The following UBE2D3 variants were observed in gnomAD, a reference collection of about 807,000 sequenced individuals.
UBE2D3 encodes ubiquitin-conjugating enzyme E2 D3.
In UBE2D3, 2 loss-of-function variants were observed where a neutral mutation model predicts 22.8. The ratio of observed to expected loss-of-function variants is 0.09; its 90% CI spans 0.04 to 0.28. The LOEUF (loss-of-function observed/expected upper bound fraction) is 0.28, where lower values mean the gene tolerates loss of function less well. Among genes scored for constraint, UBE2D3 ranks in the 10% least tolerant of loss-of-function variants. UBE2D3 has a pLI of 1.00. For missense variants in UBE2D3, 27 were observed against 182.5 expected, an observed-to-expected ratio of 0.15 and a Z score of 4.91; for synonymous variants, 56 against 60.4, an observed-to-expected ratio of 0.93 and a Z score of 0.34.
intron 2 of UBE2D3, among the ~76,000 whole-genome samples, chr4:102,824,393 T>C (rs1730126250): frequency 6.6e-6 from 1 of 152,242 alleles, no homozygotes; most frequent in South Asian, 2.1e-4. Context: ...CATTAATCCA[T>C]TTAATCGTCA....
chr4:102,815,578 T>C (rs890874600), intron 2 of UBE2D3, among the ~76,000 whole-genome samples: 4 of 152,234 alleles, frequency 2.6e-5, no homozygotes, highest in Non-Finnish European at 5.9e-5. Context: ...GGCACACTGA[T>C]ATTTATCCAT....
intron 2 of UBE2D3, 89 bp downstream of exon 2, chr4:102,826,396 A>C: frequency 6.6e-7 from 1 of 1,520,304 alleles, no homozygotes; most frequent in Non-Finnish European, 9.1e-7. Flanking sequence ...TATTTTCAGA[A>C]TTATGCTTCC....
At chr4:102,868,355 A>C (rs2110387872) in intron 1 of UBE2D3, among the ~76,000 whole-genome samples, 1 of 152,168 alleles carries the variant, frequency 6.6e-6, no homozygotes, top group East Asian at 1.9e-4. Flanking sequence ...GACGTGAGCC[A>C]CCGCGCCCGG....
chr4:102,832,243 ATGACT>A (rs1447316893), upstream of UBE2D3, among the ~76,000 whole-genome samples: 4 of 152,190 alleles, frequency 2.6e-5, no homozygotes, highest in African/African-American at 9.7e-5. Context: ...AGTCTCAGAG[ATGACT>A]TGATAAGTTT....
intron 1 of UBE2D3, 118 bp downstream of exon 1, chr4:102,827,309 C>A: frequency 1.0e-6 from 1 of 960,338 alleles, no homozygotes; most frequent in African/African-American, 1.8e-5. Context: ...CCACCCTAAC[C>A]CACCGCACCC....
chr4:102,826,217 G>A (rs1355050917), intron 2 of UBE2D3, among the ~76,000 whole-genome samples: 1 of 152,010 alleles, frequency 6.6e-6, no homozygotes, highest in Admixed American at 6.6e-5. Flanking sequence ...AATAATAAAG[G>A]CGCCTTAAGT....
At chr4:102,819,061 TG>T (rs1214458032) in intron 2 of UBE2D3, among the ~76,000 whole-genome samples, 5 of 152,322 alleles carry the variant, frequency 3.3e-5, no homozygotes, top group Non-Finnish European at 5.9e-5. Context: ...CTGGGCGTGG[TG>T]GCTCACGCTT....
chr4:102,797,768 C>T (rs1289279684), intron 7 of UBE2D3, among the ~76,000 whole-genome samples: 2 of 151,850 alleles, frequency 1.3e-5, no homozygotes, highest in African/African-American at 2.4e-5. Context: ...CTAATTTTAA[C>T]GTGAAGAAAT....
chr4:102,848,275 C>T (rs1162845610), intron 1 of UBE2D3, among the ~76,000 whole-genome samples: 4 of 152,026 alleles, frequency 2.6e-5, no homozygotes, highest in African/African-American at 9.7e-5. Context: ...CTTTGGGAGG[C>T]AAAGGCAGGA....
chr4:102,826,475 C>A lies in UBE2D3; in HGVS notation c.24+10G>T. The A allele has an allele frequency of 1.2e-6, 2 of 1,613,908 alleles. No homozygotes were observed. Among genetic ancestry groups the A allele is most frequent in the Non-Finnish European group, 1.7e-6 (2 of 1,179,960 alleles). On this transcript the variant is annotated intron_variant, in intron 2 of 7. Transcript: ENST00000453744. ...TCCTACCACCCCATGCCCTTGTCCCCGCGGGTTACCTTATTAATCCGTTTC... is the reference window on the plus strand; with the variant it reads ...TCCTACCACCCCATGCCCTTGTCCCAGCGGGTTACCTTATTAATCCGTTTC...
intron 1 of UBE2D3, among the ~76,000 whole-genome samples, chr4:102,851,391 A>C (rs1732340268): frequency 6.6e-6 from 1 of 152,244 alleles, no homozygotes; most frequent in Admixed American, 6.5e-5. Flanking sequence ...AAGACAGTGT[A>C]AAGGCAGCCA....
chr4:102,803,563 C>A (rs1345895612), intron 4 of UBE2D3, among the ~76,000 whole-genome samples: 3 of 152,176 alleles, frequency 2.0e-5, no homozygotes, highest in Admixed American at 6.5e-5. Flanking sequence ...ATTAATCTAA[C>A]CCCTTGCTAT....
At chr4:102,844,736 G>T (rs1159982322) in intron 1 of UBE2D3, among the ~76,000 whole-genome samples, 1 of 152,070 alleles carries the variant, frequency 6.6e-6, no homozygotes, top group Non-Finnish European at 1.5e-5. Flanking sequence ...ATTCTAGCCA[G>T]CCTGGGCCGG....
intron 4 of UBE2D3, among the ~76,000 whole-genome samples, chr4:102,806,750 A>G (rs1171350098): frequency 1.3e-5 from 2 of 151,926 alleles, no homozygotes; most frequent in Admixed American, 6.5e-5. Flanking sequence ...AAGCAAGTAA[A>G]TATCAGAGGC....
At chr4:102,858,835 C>T (rs953155846) in intron 1 of UBE2D3, among the ~76,000 whole-genome samples, 5 of 151,862 alleles carry the variant, frequency 3.3e-5, no homozygotes, top group East Asian at 1.9e-4. Flanking sequence ...ACATTGTTAT[C>T]GATGTCAAAA....
intron 1 of UBE2D3, among the ~76,000 whole-genome samples, chr4:102,842,374 G>A (rs1003278495): frequency 6.6e-6 from 1 of 151,854 alleles, no homozygotes; most frequent in Non-Finnish European, 1.5e-5. Flanking sequence ...AACATAGTGG[G>A]AACCTGTTTC....
chr4:102,804,944 C>CA (rs1241817628), intron 4 of UBE2D3, among the ~76,000 whole-genome samples: 1 of 152,162 alleles, frequency 6.6e-6, no homozygotes, highest in Non-Finnish European at 1.5e-5. Context: ...CTTGGCCTCC[C>CA]AAAGTGTTGG....
intron 1 of UBE2D3, among the ~76,000 whole-genome samples, chr4:102,860,172 T>C (rs181728053): frequency 5.3e-4 from 78 of 148,456 alleles, no homozygotes; most frequent in African/African-American, 1.5e-3. Flanking sequence ...AGTGGTTTCT[T>C]TGTTGAAATT....
At chr4:102,837,721 G>C (rs1731489786) in intron 1 of UBE2D3, among the ~76,000 whole-genome samples, 1 of 152,192 alleles carries the variant, frequency 6.6e-6, no homozygotes, top group Non-Finnish European at 1.5e-5. Context: ...GGAGGCCAAG[G>C]CGGGCGGATC....
Sources: allele counts gnomAD v4.1 joint callset (sites outside exome capture counted in the v4.1 genomes callset), GRCh38; gene constraint gnomAD v4.1.1; transcripts MANE v1.5; gene names NCBI Gene and HGNC (gene_info 2026-07-23, HGNC 2026-07-21).